PTPRS: variants seen among roughly 807,000 people sequenced by gnomAD.
PTPRS encodes receptor-type tyrosine-protein phosphatase S.
PTPRS carries 63 observed loss-of-function variants against 215.3 expected under a neutral mutation model. That is an observed-to-expected ratio of 0.29 (90% confidence interval 0.24 to 0.36). The LOEUF (loss-of-function observed/expected upper bound fraction) is 0.36. PTPRS is among the 10% of genes least tolerant of loss of function. The pLI, the probability that PTPRS is intolerant of heterozygous loss-of-function variation, is 1.00. For synonymous variants in PTPRS, 1,404 were observed against 1,191.4 expected (o/e 1.18, Z -3.68); for missense variants, 2,258 against 2,825.8 (o/e 0.80, Z 4.56).
chr19:5,237,417 C>T lies in PTPRS; in HGVS notation c.1849+1502G>A, dbSNP rs1387945842. Among the ~76,000 whole-genome samples, 2 of 152,248 alleles carry T rather than the reference C, an allele frequency of 1.3e-5. No individual in the cohort carries two copies. Among genetic ancestry groups the T allele is most frequent in the Non-Finnish European group, 2.9e-5 (2 of 68,042 alleles). On this transcript the variant is annotated intron_variant, in intron 13 of 37. Coordinates refer to ENST00000262963, the MANE Select transcript of PTPRS (RefSeq NM_002850.4). The surrounding 1 kb of genome is among the most constrained non-coding windows in gnomAD (Gnocchi z 4.2). ...CCTGTCCTGGGCCGCCCCGGAGGTT[C>T]GCGTGGCTGGGCCGAAGCCGCTTTC...
At chr19:5,218,686 G>C in intron 24 of PTPRS, 101 bp downstream of exon 24, 1 of 1,532,460 alleles carries the variant, frequency 6.5e-7, no homozygotes, top group Non-Finnish European at 9.0e-7. Flanking sequence ...TACAAGCTGT[G>C]GGGGCAGCCG....
intron 17 of PTPRS, among the ~76,000 whole-genome samples, chr19:5,223,751 G>A (rs1346995524): frequency 1.3e-5 from 2 of 150,670 alleles, no homozygotes; most frequent in East Asian, 4.0e-4. Flanking sequence ...TAGTAGAGAT[G>A]GGGTTTCGCC....
Position 5,212,247 on chromosome 19 carries a change from G to A in PTPRS, c.4773C>T (p.Ala1591=), listed in dbSNP as rs199955163. 442 of 1,610,020 alleles carry A rather than the reference G, an allele frequency of 2.7e-4. No homozygotes were observed. Among genetic ancestry groups the A allele is most frequent in the East Asian group, 6.3e-4 (28 of 44,788 alleles). Residue 1591 remains alanine (A), a synonymous_variant, in exon 32 of 38, where the codon GCC becomes GCT. Coordinates refer to ENST00000262963, the MANE Select transcript of PTPRS (RefSeq NM_002850.4). ...TAAAGCAGCCTGTGCGGCCCACACCGGCACTGCAGGGACAGCCACGTGGCG... is the reference window on the plus strand; with the variant it reads ...TAAAGCAGCCTGTGCGGCCCACACCAGCACTGCAGGGACAGCCACGTGGCG... ...DAGPIVVHCS[A]GVGRTGCFIV...
chr19:5,218,632 G>A, intron 24 of PTPRS, 100 bp from the exon 25 acceptor site: 1 of 1,514,190 alleles, frequency 6.6e-7, no homozygotes, highest in Non-Finnish European at 9.2e-7. Flanking sequence ...AAAGGACCAT[G>A]GACCCGTATG....
At chr19:5,281,433 C>A (rs1051050026) in intron 2 of PTPRS, among the ~76,000 whole-genome samples, 13 of 152,140 alleles carry the variant, frequency 8.5e-5, no homozygotes, top group African/African-American at 3.1e-4. Flanking sequence ...TGCACTCCAG[C>A]CTGGGGGACA....
chr19:5,308,006 C>G (rs1445735977), intron 1 of PTPRS, among the ~76,000 whole-genome samples: 2 of 151,982 alleles, frequency 1.3e-5, no homozygotes, highest in Non-Finnish European at 2.9e-5. Flanking sequence ...TATGGAAAAA[C>G]TCTACTGACC....
Position 5,338,841 on chromosome 19 carries a change from C to A in PTPRS, c.-95+1823G>T, listed in dbSNP as rs1283808280. Among the ~76,000 whole-genome samples, 1 of 152,152 alleles carries A rather than the reference C, an allele frequency of 6.6e-6. No individual in the cohort carries two copies. The highest frequency in any genetic ancestry group is 1.5e-5 in the Non-Finnish European group (1 of 68,034). On this transcript the variant is annotated intron_variant, in intron 1 of 37. Transcript: ENST00000262963. This position sits in a 1 kb window ranked among gnomAD's most constrained non-coding sequence, Gnocchi z 4.2. Reference sequence around the variant, plus strand: ...AGCGGGATGGCTTCCTTCTCCCGGGCGAAAGGCGGCAGAAAGAGGGAAGAA... The same window carrying A: ...AGCGGGATGGCTTCCTTCTCCCGGGAGAAAGGCGGCAGAAAGAGGGAAGAA...
At chr19:5,306,883 G>A (rs1029391949) in intron 1 of PTPRS, among the ~76,000 whole-genome samples, 10 of 152,178 alleles carry the variant, frequency 6.6e-5, no homozygotes, top group African/African-American at 2.4e-4. Flanking sequence ...CTTTAGGCCT[G>A]ATAACACCAC....
rs571231316 is a variant in PTPRS at position 5,243,303 on chromosome 19, C to T, written c.1570+598G>A. ...CCCGCCACCACGGCCGGCTATTTTT[C>T]TTTTGTATTATTAACAGAAATGGGG... On this transcript the variant is annotated intron_variant, in intron 11 of 37. Coordinates refer to ENST00000262963, the MANE Select transcript of PTPRS (RefSeq NM_002850.4). 1.3e-4 allele frequency among the ~76,000 whole-genome samples: 19 copies of T among 148,116 alleles called. 3 individuals are homozygous for T. The highest frequency in any genetic ancestry group is 4.7e-4 in the Admixed American group (7 of 14,792).
At chr19:5,322,207 A>G (rs1055543166) in intron 1 of PTPRS, among the ~76,000 whole-genome samples, 1 of 152,156 alleles carries the variant, frequency 6.6e-6, no homozygotes, top group Non-Finnish European at 1.5e-5. Context: ...TGCACAGCAG[A>G]CACCCTCGCG....
chr19:5,212,854 C>T (rs1399497830), intron 30 of PTPRS, among the ~76,000 whole-genome samples: 4 of 136,806 alleles, frequency 2.9e-5, no homozygotes, highest in Non-Finnish European at 6.3e-5. Context: ...AAAAAAAAAA[C>T]ACCCATGTCT....
At chr19:5,306,199 C>G (rs1378962391) in intron 1 of PTPRS, among the ~76,000 whole-genome samples, 3 of 148,564 alleles carry the variant, frequency 2.0e-5, no homozygotes, top group African/African-American at 7.4e-5. Context: ...GGCTGGAGTA[C>G]AGCGGCACAA....
chr19:5,321,520 G>A (rs1304368642), intron 1 of PTPRS, among the ~76,000 whole-genome samples: 3 of 152,216 alleles, frequency 2.0e-5, no homozygotes, highest in Non-Finnish European at 4.4e-5. Flanking sequence ...CCCTGACCCA[G>A]ATCGACTACA....
intron 1 of PTPRS, among the ~76,000 whole-genome samples, chr19:5,301,317 GT>G (rs200496781): frequency 0.078 from 10,708 of 137,358 alleles, 463 homozygotes; most frequent in African/African-American, 0.15. Flanking sequence ...AGTTGTTGCT[GT>G]TTTTTTTTTT....
intron 1 of PTPRS, among the ~76,000 whole-genome samples, chr19:5,301,994 T>C (rs576267056): frequency 1.3e-5 from 2 of 152,250 alleles, no homozygotes; most frequent in East Asian, 3.9e-4. Context: ...TTGGCAAGGC[T>C]GGTCTTGAAC....
At chr19:5,330,924 G>T (rs536953339) in intron 1 of PTPRS, among the ~76,000 whole-genome samples, 2 of 152,062 alleles carry the variant, frequency 1.3e-5, no homozygotes, top group Admixed American at 6.5e-5. Context: ...GAATTCATCC[G>T]ACAGGGGCAA....
chr19:5,227,799 T>G (rs2042633314), intron 16 of PTPRS, among the ~76,000 whole-genome samples: 2 of 152,162 alleles, frequency 1.3e-5, no homozygotes, highest in African/African-American at 4.8e-5. Context: ...CCTCAGCATC[T>G]AGCACATAGT....
At chr19:5,304,712 G>A (rs1170572501) in intron 1 of PTPRS, among the ~76,000 whole-genome samples, 1 of 152,126 alleles carries the variant, frequency 6.6e-6, no homozygotes, top group Non-Finnish European at 1.5e-5. Flanking sequence ...AGGCTTCCAG[G>A]AAGAGGTGAT....
intron 23 of PTPRS, 28 bp downstream of exon 23, chr19:5,219,282 G>A (rs1167838389): frequency 6.2e-7 from 1 of 1,612,996 alleles, no homozygotes; most frequent in Admixed American, 1.7e-5. Context: ...CTGCTGTCAA[G>A]TCAAGTCGGG....
Sources: allele counts gnomAD v4.1 joint callset (sites outside exome capture counted in the v4.1 genomes callset), GRCh38; gene constraint gnomAD v4.1.1; non-coding constraint Gnocchi (gnomAD v3.1); transcripts MANE v1.5; gene names NCBI Gene and HGNC (gene_info 2026-07-23, HGNC 2026-07-21).